The following EXOC4 variants were observed in gnomAD, a reference collection of about 807,000 sequenced individuals.
The protein encoded by EXOC4 is exocyst complex component 4.
EXOC4 carries 71 observed loss-of-function variants against 107.2 expected under a neutral mutation model. The observed-to-expected ratio is 0.66, with a 90% CI of 0.55 to 0.81. The LOEUF (loss-of-function observed/expected upper bound fraction) is 0.81. EXOC4 is among the 30% of genes least tolerant of loss of function. EXOC4 has a pLI of 0.00. For missense variants in EXOC4, 1,108 were observed against 1,189.6 expected, an observed-to-expected ratio of 0.93 and a Z score of 1.01; for synonymous variants, 456 against 441.2, an observed-to-expected ratio of 1.03 and a Z score of -0.42.
chr7:133,327,320 C>G lies in EXOC4; in HGVS notation c.763+9930C>G, dbSNP rs569819496. 2.0e-5 allele frequency among the ~76,000 whole-genome samples: 3 copies of G among 152,326 alleles called. No homozygotes were observed. In the East Asian group the frequency reaches 5.8e-4, roughly 29 times the overall value. ...CGTCACTCATGCTGTGGGCTGTAGA[C>G]TGGAGCTGTTCTTGTTCGGCTATCT... On this transcript the variant is annotated intron_variant, in intron 5 of 17. Coordinates refer to ENST00000253861, the MANE Select transcript of EXOC4 (RefSeq NM_021807.4).
chr7:133,982,062 A>C (rs1263559806), intron 14 of EXOC4, among the ~76,000 whole-genome samples: 1 of 152,184 alleles, frequency 6.6e-6, no homozygotes, highest in East Asian at 1.9e-4. Flanking sequence ...ATGAGACCTC[A>C]TGGACACAGA....
At position 133,582,006 on chromosome 7, in the gene EXOC4, G is replaced by A. The variant is rs1486365918; in HGVS notation, c.1418-48039G>A. ...TCCGTCACTATCATGAGAACAGCATGGAGAAATCTGCCCCCATGATTTAAT... is the reference window on the plus strand; with the variant it reads ...TCCGTCACTATCATGAGAACAGCATAGAGAAATCTGCCCCCATGATTTAAT... On this transcript the variant is annotated intron_variant, in intron 9 of 17. Coordinates refer to ENST00000253861, the MANE Select transcript of EXOC4 (RefSeq NM_021807.4). Among the ~76,000 whole-genome samples, 3 of 152,074 alleles carry A rather than the reference G, an allele frequency of 2.0e-5. No individual in the cohort carries two copies. In the East Asian group the frequency reaches 5.8e-4, roughly 29 times the overall value.
intron 9 of EXOC4, among the ~76,000 whole-genome samples, chr7:133,485,574 A>G (rs1799253677): frequency 1.3e-5 from 2 of 152,062 alleles, no homozygotes; most frequent in Admixed American, 6.6e-5. Context: ...CTTTATCACA[A>G]TATTTAAAAA....
chr7:133,488,126 C>G (rs1354398135), intron 9 of EXOC4, among the ~76,000 whole-genome samples: 1 of 151,942 alleles, frequency 6.6e-6, no homozygotes, highest in Non-Finnish European at 1.5e-5. Flanking sequence ...AGTTTGGATC[C>G]TTTTAGGAAT....
At chr7:133,342,395 T>C (rs1795683482) in intron 5 of EXOC4, among the ~76,000 whole-genome samples, 1 of 152,198 alleles carries the variant, frequency 6.6e-6, no homozygotes, top group Admixed American at 6.5e-5. Context: ...GGTTTCTGTT[T>C]AGAAATCTCC....
intron 9 of EXOC4, among the ~76,000 whole-genome samples, chr7:133,557,355 T>C (rs925897570): frequency 6.6e-6 from 1 of 152,176 alleles, no homozygotes; most frequent in East Asian, 1.9e-4. Flanking sequence ...TTGTTTTTAA[T>C]TGACATATAA....
At chr7:133,505,861 A>G (rs1016415396) in intron 9 of EXOC4, among the ~76,000 whole-genome samples, 19 of 152,058 alleles carry the variant, frequency 1.2e-4, no homozygotes, top group African/African-American at 4.6e-4. Flanking sequence ...TTCAGTTGCT[A>G]TGATTTTGTT....
intron 10 of EXOC4, among the ~76,000 whole-genome samples, chr7:133,794,149 C>T (rs1456335671): frequency 6.6e-6 from 1 of 152,110 alleles, no homozygotes; most frequent in African/African-American, 2.4e-5. Context: ...GTGGTTTGGG[C>T]TTTTTTGGTA....
At chr7:133,507,229 A>T (rs1296624641) in intron 9 of EXOC4, among the ~76,000 whole-genome samples, 1 of 152,200 alleles carries the variant, frequency 6.6e-6, no homozygotes, top group Non-Finnish European at 1.5e-5. Context: ...ATCCTACATT[A>T]GTCGATATAC....
At position 133,467,584 on chromosome 7, in the gene EXOC4, C is replaced by CTTTTT. The variant is rs35955637; in HGVS notation, c.1183-7730_1183-7726dup. ...AGTTCGTAATTTGTCATTACAGATT[C>CTTTTT]TTTTTTTTTTTTTTTTTTAAGATTC... On this transcript the variant is annotated intron_variant, in intron 7 of 17. Coordinates refer to ENST00000253861, the MANE Select transcript of EXOC4 (RefSeq NM_021807.4). Among the ~76,000 whole-genome samples the CTTTTT allele has an allele frequency of 3.3e-5, 4 of 122,648 alleles. No individual in the cohort carries two copies. The South Asian group carries it at 1.0e-3, about 32-fold the overall frequency. The allele number at this position is 122,648 out of a possible 152,430, so 80.5% of individuals were successfully genotyped here. A position where few individuals can be genotyped will look rare whatever the true frequency, so the allele number is the denominator to read the frequency against.
chr7:133,964,554 C>T lies in EXOC4; in HGVS notation c.2206+26485C>T, dbSNP rs993649084. Among the ~76,000 whole-genome samples, 8 of 152,250 alleles carry T rather than the reference C, an allele frequency of 5.3e-5. No homozygotes were observed. The South Asian group carries it at 6.2e-4, about 12-fold the overall frequency. On this transcript the variant is annotated intron_variant, in intron 14 of 17. Transcript: ENST00000253861. ...CCATGTGTTCTCATTGTTCAACTCCCGCTTATGAGTGAGAACATGCGGTGT... is the reference window on the plus strand; with the variant it reads ...CCATGTGTTCTCATTGTTCAACTCCTGCTTATGAGTGAGAACATGCGGTGT...
chr7:133,427,736 T>C (rs1262036694), intron 7 of EXOC4, among the ~76,000 whole-genome samples: 1 of 152,186 alleles, frequency 6.6e-6, no homozygotes, highest in Non-Finnish European at 1.5e-5. Flanking sequence ...GTGGTAGAGA[T>C]GAGGCTGGTG....
chr7:133,584,135 A>G (rs1365240449), intron 9 of EXOC4, among the ~76,000 whole-genome samples: 1 of 152,194 alleles, frequency 6.6e-6, no homozygotes, highest in Non-Finnish European at 1.5e-5. Context: ...AATTTGGGAT[A>G]TATGGGCTGT....
At chr7:133,742,715 T>C (rs1795591733) in intron 10 of EXOC4, among the ~76,000 whole-genome samples, 1 of 152,204 alleles carries the variant, frequency 6.6e-6, no homozygotes, top group African/African-American at 2.4e-5. Flanking sequence ...TGGTTTGTTT[T>C]TCCCCCCAAG....
intron 9 of EXOC4, among the ~76,000 whole-genome samples, chr7:133,493,135 G>A (rs1167857245): frequency 1.3e-5 from 2 of 152,276 alleles, no homozygotes; most frequent in South Asian, 2.1e-4. Context: ...GTTTAAAACT[G>A]TGCCTTGGGC....
intron 10 of EXOC4, among the ~76,000 whole-genome samples, chr7:133,788,684 G>A (rs1052519269): frequency 6.6e-6 from 1 of 152,070 alleles, no homozygotes; most frequent in South Asian, 2.1e-4. Context: ...GTAGAAACGG[G>A]TTTTCACCAA....
At chr7:133,630,468 T>C (rs1802565832) in intron 10 of EXOC4, among the ~76,000 whole-genome samples, 1 of 152,070 alleles carries the variant, frequency 6.6e-6, no homozygotes, top group African/African-American at 2.4e-5. Context: ...ACTGGAGAAA[T>C]CTACTCTGCA....
chr7:133,373,106 A>G (rs986728908), intron 6 of EXOC4, among the ~76,000 whole-genome samples: 1 of 152,180 alleles, frequency 6.6e-6, no homozygotes, highest in African/African-American at 2.4e-5. Context: ...TTAATCAGGT[A>G]TTTACTGATT....
At chr7:133,844,378 C>CTTTTTTTTTTTTTTTTTTTTTTTTTTT (rs761535651) in intron 11 of EXOC4, among the ~76,000 whole-genome samples, 1 of 83,346 alleles carries the variant, frequency 1.2e-5, no homozygotes, top group African/African-American at 5.8e-5. Flanking sequence ...CCACATATTC[C>CTTTTTTTTTTTTTTTTTTTTTTTTTTT]TTTTTTTTTT....
Sources: allele counts gnomAD v4.1 joint callset (sites outside exome capture counted in the v4.1 genomes callset), GRCh38; gene constraint gnomAD v4.1.1; transcripts MANE v1.5; gene names NCBI Gene and HGNC (gene_info 2026-07-23, HGNC 2026-07-21).